ZNF701: variants seen among roughly 807,000 people sequenced by gnomAD.
ZNF701 encodes the protein zinc finger protein 701.
In ZNF701, 6 loss-of-function variants were observed where a neutral mutation model predicts 7.1. That is an observed-to-expected ratio of 0.84 (90% CI 0.46 to 1.66). The LOEUF (loss-of-function observed/expected upper bound fraction) is 1.66, where lower values mean the gene tolerates loss of function less well. Ranked by LOEUF, ZNF701 falls within the 40% of genes most tolerant of loss-of-function variation. ZNF701 has a pLI of 0.01. For missense variants in ZNF701, 541 were observed against 559.2 expected (o/e 0.97, Z 0.33); for synonymous variants, 166 against 188.2 (o/e 0.88, Z 0.97).
Position 52,583,288 on chromosome 19 carries a change from A to G in ZNF701, c.1229A>G (p.Tyr410Cys). The change falls in exon 4 of 4, where the codon TAC (tyrosine) becomes TGC (cysteine). Residue 410 changes from tyrosine (Y) to cysteine (C), a missense_variant. Transcript: ENST00000391785. ...GTCATTCATACTGGAGAGAAACGTT[A>G]CAAGTGTAATGAATGTGGCAAGGTT... is the stretch of plus-strand genomic sequence containing the variant. Reference protein sequence around the residue: ...HKVIHTGEKRYKCNECGKVFN... With the variant: ...HKVIHTGEKRCKCNECGKVFN... 3 of 1,613,934 alleles carry G rather than the reference A, an allele frequency of 1.9e-6. No homozygotes were observed. The highest frequency in any genetic ancestry group is 1.7e-4 in the Middle Eastern group (1 of 6,056).
chr19:52,574,091 G>T lies in ZNF701; in HGVS notation c.-57G>T, dbSNP rs2059917378. 2 of 1,612,196 alleles carry T rather than the reference G, an allele frequency of 1.2e-6. No individual in the cohort carries two copies. The highest frequency in any genetic ancestry group is 4.5e-5 in the East Asian group (2 of 44,848). On this transcript the variant is annotated 5_prime_UTR_variant, in exon 2 of 4. Coordinates refer to ENST00000391785, the MANE Select transcript of ZNF701 (RefSeq NM_018260.3). The stretch of plus-strand genomic sequence containing the variant: ...CTAACATTCAGGATTGACTTCTAAA[G>T]ACTTGGTACGTGAGGAAAAAACACG...
At position 52,576,031 on chromosome 19, in the gene ZNF701, A is replaced by G. The variant is rs1315374020; in HGVS notation, c.142+10A>G. On this transcript the variant is annotated intron_variant, in intron 3 of 3. Coordinates refer to ENST00000391785, the MANE Select transcript of ZNF701 (RefSeq NM_018260.3). ...AACCTGGTCTCCCTGGGTGAGGATA[A>G]CTTCCCTCCAGAAGTGGGGATGTGC... The G allele has an allele frequency of 5.0e-6, 8 of 1,590,236 alleles. No individual in the cohort carries two copies. In the South Asian group the frequency reaches 8.0e-5, roughly 16 times the overall value.
At chr19:52,579,600 G>A (rs2059962204) in intron 3 of ZNF701, among the ~76,000 whole-genome samples, 1 of 140,940 alleles carries the variant, frequency 7.1e-6, no homozygotes. Context: ...CTGGCCAGGT[G>A]TAGTGGCTCA....
rs2060004692 is a variant in ZNF701 at position 52,585,483 on chromosome 19, CTGT to C, written c.*2031_*2033del. 1 of 151,852 alleles carries C rather than the reference CTGT, an allele frequency of 6.6e-6. No individual in the cohort carries two copies. Among genetic ancestry groups the C allele is most frequent in the Non-Finnish European group, 1.5e-5 (1 of 67,964 alleles). The allele number at this position is 151,852 out of a possible 1,614,324, so 9.4% of individuals were successfully genotyped here. On this transcript the variant is annotated 3_prime_UTR_variant, in exon 4 of 4. Transcript: ENST00000391785. ...GCAACCCTCTTTTTCCACCCTCGCC[CTGT>C]TGTTCCCGGAAGGCAGGCCTGGAAT... is the stretch of plus-strand genomic sequence containing the variant.
At chr19:52,580,145 G>A (rs1317575426) in intron 3 of ZNF701, among the ~76,000 whole-genome samples, 1 of 138,030 alleles carries the variant, frequency 7.2e-6, no homozygotes, top group African/African-American at 3.3e-5. Flanking sequence ...GGGTTTCTCT[G>A]TATTAGCCAG....
At chr19:52,594,100 C>G in the ZNF701 span, 111 of 127,234 alleles carry the variant, frequency 8.7e-4, 33 homozygotes, top group African/African-American at 2.3e-3. Context: ...CGGATCACTC[C>G]CGGTTAGGAG....
At position 52,583,042 on chromosome 19, in the gene ZNF701, G is replaced by C; in HGVS notation, c.983G>C (p.Cys328Ser). 2.5e-6 allele frequency: 4 copies of C among 1,613,930 alleles called. No individual in the cohort carries two copies. Among genetic ancestry groups the C allele is most frequent in the Non-Finnish European group, 2.5e-6 (3 of 1,179,956 alleles). The change falls in exon 4 of 4, where the codon TGT becomes TCT. Residue 328 changes from cysteine (C) to serine (S), a missense_variant. By Grantham distance (112) the Cys-to-Ser change is moderately radical. Transcript: ENST00000391785. ...RVHTGEKPYK[C>S]EECDKVFSRK... Reference sequence around the variant, plus strand: ...CATACTGGAGAGAAACCTTACAAATGTGAAGAATGTGACAAAGTTTTCAGT... The same window carrying C: ...CATACTGGAGAGAAACCTTACAAATCTGAAGAATGTGACAAAGTTTTCAGT...
chr19:52,581,092 C>G (rs755781543), intron 3 of ZNF701, among the ~76,000 whole-genome samples: 4 of 152,082 alleles, frequency 2.6e-5, no homozygotes, highest in Non-Finnish European at 4.4e-5. Flanking sequence ...CCATTGCACT[C>G]TGTCCAGTGA....
rs1193510423 is a variant in ZNF701, at chr19:52,581,707, C to G, written c.143-495C>G. On this transcript the variant is annotated intron_variant, in intron 3 of 3. Transcript: ENST00000391785. ...AATTTTTGTAATATTTTCTTATCTT[C>G]TCAGTGCTATGATTCTTTGACAATA... Among the ~76,000 whole-genome samples the G allele has an allele frequency of 3.9e-5, 6 of 152,292 alleles. No individual in the cohort carries two copies. The East Asian group carries it at 9.6e-4, about 24-fold the overall frequency.
At chr19:52,570,612 C>G (rs1353841333) in intron 1 of ZNF701, 6 of 152,302 alleles carry the variant, frequency 3.9e-5, no homozygotes, top group Admixed American at 3.3e-4. Flanking sequence ...TCCCTCCCCG[C>G]GCTTTTCAAA....
chr19:52,576,352 C>T (rs556538217), intron 3 of ZNF701, among the ~76,000 whole-genome samples: 19 of 152,126 alleles, frequency 1.2e-4, no homozygotes, highest in Admixed American at 5.2e-4. Flanking sequence ...ACCAGCCTGG[C>T]CAACATGGAG....
chr19:52,592,239 T>C, the ZNF701 span: 1 of 1,572,392 alleles, frequency 6.4e-7, no homozygotes, highest in Non-Finnish European at 8.7e-7. Context: ...GTGAGGAAAA[T>C]ATCCCTCCAG....
chr19:52,577,085 C>T (rs1315600915), intron 3 of ZNF701, among the ~76,000 whole-genome samples: 2 of 152,142 alleles, frequency 1.3e-5, no homozygotes, highest in African/African-American at 2.4e-5. Flanking sequence ...CCACTTATCC[C>T]TCTGCTCTTC....
At chr19:52,579,990 G>A (rs1054287503) in intron 3 of ZNF701, among the ~76,000 whole-genome samples, 1 of 142,964 alleles carries the variant, frequency 7.0e-6, no homozygotes, top group Non-Finnish European at 1.5e-5. Context: ...AGCCCAGGCT[G>A]GAGTGCAGTG....
intron 1 of ZNF701, chr19:52,573,035 GT>G (rs2059910903): frequency 4.5e-6 from 1 of 224,564 alleles, no homozygotes; most frequent in Non-Finnish European, 8.9e-6. Context: ...CATTACTCAG[GT>G]TTTATTATCT....
rs2059930534 is a variant in ZNF701 at position 52,575,776 on chromosome 19, T to C, written c.16-119T>C. The stretch of plus-strand genomic sequence containing the variant: ...ATCATGTGGTGAAGAATCCCTTACT[T>C]GGATTTGTCGGAACATTCTCTGCAA... On this transcript the variant is annotated intron_variant, in intron 2 of 3. Coordinates refer to ENST00000391785, the MANE Select transcript of ZNF701 (RefSeq NM_018260.3). 4.2e-6 allele frequency: 3 copies of C among 714,664 alleles called. No individual in the cohort carries two copies. The Admixed American group carries it at 9.7e-5, about 23-fold the overall frequency. The allele number at this position is 714,664 out of a possible 1,614,324, so 44.3% of individuals were successfully genotyped here.
At chr19:52,590,543 C>A (rs913611268), downstream of ZNF701, among the ~76,000 whole-genome samples, 1 of 152,150 alleles carries the variant, frequency 6.6e-6, no homozygotes, top group South Asian at 2.1e-4. Flanking sequence ...TTTCTTCATG[C>A]ATTGCTTTTA....
chr19:52,573,395 C>A (rs2146978615), intron 1 of ZNF701, among the ~76,000 whole-genome samples: 1 of 152,258 alleles, frequency 6.6e-6, no homozygotes, highest in Non-Finnish European at 1.5e-5. Context: ...GCCCACCAAG[C>A]CCAGCTACTT....
At chr19:52,570,527 C>T (rs998091532) in intron 1 of ZNF701, 197 bp downstream of exon 1, 4 of 152,210 alleles carry the variant, frequency 2.6e-5, no homozygotes, top group African/African-American at 9.7e-5. Context: ...TTCCCGTCTC[C>T]AGTCTTTCTG....
Sources: allele counts gnomAD v4.1 joint callset (sites outside exome capture counted in the v4.1 genomes callset), GRCh38; gene constraint gnomAD v4.1.1; transcripts MANE v1.5; gene names NCBI Gene and HGNC (gene_info 2026-07-23, HGNC 2026-07-21).